FTSJ1: variants seen among roughly 807,000 people sequenced by gnomAD.
FTSJ1 encodes FtsJ RNA 2'-O-methyltransferase 1.
A neutral mutation model predicts 28.5 loss-of-function variants in FTSJ1; 3 were observed. The observed-to-expected ratio is 0.11, with a 90% CI of 0.05 to 0.27. FTSJ1 has a LOEUF of 0.27. Among genes scored for constraint, FTSJ1 ranks in the 10% least tolerant of loss-of-function variants. The pLI is 1.00. For missense variants in FTSJ1, 162 were observed against 279.0 expected (o/e 0.58, Z 2.99); for synonymous variants, 104 against 113.9 (o/e 0.91, Z 0.55).
intron 11 of FTSJ1, 86 bp downstream of exon 11, chrX:48,482,880 A>G (rs1556969172): frequency 8.3e-7 from 1 of 1,207,366 alleles, no homozygotes; most frequent in African/African-American, 1.8e-5. Context: ...TGGGGCCAAA[A>G]TTCCCTTTCC....
chrX:48,482,769 A>T lies in FTSJ1; in HGVS notation c.932A>T (p.Gln311Leu). The T allele has an allele frequency of 8.3e-7, 1 of 1,208,932 alleles. No individual in the cohort carries two copies. The highest frequency in any genetic ancestry group is 1.1e-6 in the Non-Finnish European group (1 of 893,660). Residue 311 changes from glutamine to leucine, a missense_variant, in exon 11 of 13, where the codon CAG becomes CTG. By Grantham distance (113) the Gln-to-Leu change is moderately radical. Coordinates refer to ENST00000348411, the MANE Select transcript of FTSJ1 (RefSeq NM_012280.4). ...DTFPQPLAAP[Q>L]CHTLLAPEME... Reference sequence around the variant, plus strand: ...TTTCCCCAGCCCCTGGCCGCCCCTCAGTGCCACACCCTGCTGGCCCCTGAG... The same window carrying T: ...TTTCCCCAGCCCCTGGCCGCCCCTCTGTGCCACACCCTGCTGGCCCCTGAG...
chrX:48,477,600 C>T (rs1480101214), intron 1 of FTSJ1, among the ~76,000 whole-genome samples: 2 of 111,040 alleles, frequency 1.8e-5, no homozygotes, highest in Non-Finnish European at 3.8e-5. Flanking sequence ...ACTGGGGATA[C>T]AGTCAGTGAG....
Position 48,477,967 on chromosome X carries a change from G to A in FTSJ1, c.-81G>A, listed in dbSNP as rs2061543449. 1 of 1,199,907 alleles carries A rather than the reference G, an allele frequency of 8.3e-7. No homozygotes were observed. The highest frequency in any genetic ancestry group is 2.2e-5 in the Admixed American group (1 of 45,566). On this transcript the variant is annotated 5_prime_UTR_variant, in exon 2 of 13. The change creates a new upstream start codon in the 5' untranslated region. Transcript: ENST00000348411. ...GGTTCTCTCCGCCCTACAGAGGTAG[G>A]TGGTAGCCCATTCATCTGGTTACTG...
At position 48,482,415 on chromosome X, in the gene FTSJ1, A is replaced by G; in HGVS notation, c.668A>G (p.Asn223Ser). The G allele has an allele frequency of 1.7e-6, 2 of 1,201,203 alleles. No individual in the cohort carries two copies. Among genetic ancestry groups the G allele is most frequent in the Non-Finnish European group, 2.3e-6 (2 of 887,020 alleles). Residue 223 changes from asparagine to serine, a missense_variant, in exon 10 of 13, where the codon AAC (asparagine) becomes AGC (serine). Transcript: ENST00000348411. ...CCCTGTTCCTAAGACCCAGATTTCA[A>G]CCAGCTGGATGGTCCCACCCGCATC... ...LLDHSYDPDF[N>S]QLDGPTRIIV...
Position 48,478,001 on chromosome X carries a change from C to T in FTSJ1, c.-47C>T, listed in dbSNP as rs369359484. ...CATTCATCTGGTTACTGATACTGGC[C>T]GGCATCAGTGGACTGTCGGCAGGTC... On this transcript the variant is annotated 5_prime_UTR_variant, in exon 2 of 13. Transcript: ENST00000348411. 7 of 1,208,484 alleles carry T rather than the reference C, an allele frequency of 5.8e-6. No individual in the cohort carries two copies. Among genetic ancestry groups the T allele is most frequent in the Admixed American group, 2.2e-5 (1 of 45,651 alleles).
intron 9 of FTSJ1, among the ~76,000 whole-genome samples, chrX:48,481,944 G>A (rs150266238): frequency 1.0e-3 from 115 of 112,288 alleles, no homozygotes; most frequent in African/African-American, 3.5e-3. Flanking sequence ...GTAACTCTTG[G>A]GCCTGGTGAA....
rs1556967440 is a variant in FTSJ1 at position 48,478,668 on chromosome X, A to G, written c.243A>G (p.Pro81=). 12 of 1,208,315 alleles carry G rather than the reference A, an allele frequency of 9.9e-6. No individual in the cohort carries two copies. Among genetic ancestry groups the G allele is most frequent in the African/African-American group, 1.7e-5 (1 of 57,833 alleles). Residue 81 remains proline, a synonymous_variant, in exon 4 of 13, where the codon CCA becomes CCG. Coordinates refer to ENST00000348411, the MANE Select transcript of FTSJ1 (RefSeq NM_012280.4). ...VVAVDLQAMA[P]LPGVVQIQGD... ...CTGTGGACCTGCAGGCTATGGCTCC[A>G]CTACCAGGTGTGGTACAGATCCAGG...
intron 6 of FTSJ1, 39 bp from the exon 7 acceptor site, chrX:48,481,250 T>G: frequency 8.3e-7 from 1 of 1,206,676 alleles, no homozygotes; most frequent in Non-Finnish European, 1.1e-6. Flanking sequence ...CCCTCCTGGC[T>G]GTCTCCACCT....
Position 48,479,257 on chromosome X carries a change from G to T in FTSJ1, c.361+141G>T, listed in dbSNP as rs1170797913. ...CGCACTCAGCTTTCTCCCACATCTG[G>T]CAACTTCTCCCTACCTCTGCTGCCT... On this transcript the variant is annotated intron_variant, in intron 5 of 12. Transcript: ENST00000348411. 4 of 484,817 alleles carry T rather than the reference G, an allele frequency of 8.3e-6. No individual in the cohort carries two copies. The East Asian group carries it at 1.4e-4, about 17-fold the overall frequency. The allele number at this position is 484,817 out of a possible 1,213,427, so 40.0% of individuals were successfully genotyped here.
At chrX:48,484,251 T>C (rs1249974027) in intron 12 of FTSJ1, among the ~76,000 whole-genome samples, 1 of 110,251 alleles carries the variant, frequency 9.1e-6, no homozygotes, top group Non-Finnish European at 1.9e-5. Flanking sequence ...GTATTTTTAG[T>C]AGAGATGGGG....
intron 5 of FTSJ1, among the ~76,000 whole-genome samples, chrX:48,479,551 CTCTGTACCAT>C (rs199926631): frequency 0.044 from 4,941 of 112,685 alleles, 109 homozygotes; most frequent in East Asian, 0.067. Context: ...AATGATTCAG[CTCTGTACCAT>C]TAAAAGGGGA....
intron 5 of FTSJ1, 33 bp from the exon 6 acceptor site, chrX:48,481,118 G>T (rs782381117): frequency 5.1e-6 from 6 of 1,173,469 alleles, no homozygotes; most frequent in Non-Finnish European, 7.0e-6. Context: ...AGAGCCAGAT[G>T]GGACCCCCCT....
chrX:48,481,535 G>T lies in FTSJ1; in HGVS notation c.571+7G>T. The stretch of plus-strand genomic sequence containing the variant: ...AGCCGGAACTCTAGCATCGGTCAGT[G>T]GGGTGGAGGGGCCAGGCAGGCAGAG... On this transcript the variant is annotated splice_region_variant and intron_variant, in intron 8 of 12. Coordinates refer to ENST00000348411, the MANE Select transcript of FTSJ1 (RefSeq NM_012280.4). The T allele has an allele frequency of 8.4e-7, 1 of 1,192,937 alleles. No homozygotes were observed. The highest frequency in any genetic ancestry group is 1.1e-6 in the Non-Finnish European group (1 of 877,872).
intron 12 of FTSJ1, 21 bp from the exon 13 acceptor site, chrX:48,485,715 C>G (rs942131649): frequency 8.9e-6 from 1 of 112,165 alleles, no homozygotes; most frequent in Non-Finnish European, 1.9e-5. Context: ...AACAAAAAAA[C>G]TTTCTTTGAC....
chrX:48,478,855 C>A, intron 4 of FTSJ1, 148 bp downstream of exon 4: 1 of 536,965 alleles, frequency 1.9e-6, no homozygotes, highest in South Asian at 2.8e-5. Context: ...GTCAGCAGGT[C>A]ATCATTGCAC....
intron 12 of FTSJ1, 118 bp downstream of exon 12, chrX:48,483,145 T>C: frequency 3.4e-6 from 2 of 580,854 alleles, no homozygotes; most frequent in South Asian, 5.0e-5. Flanking sequence ...AACAAACCCT[T>C]TTCTAAACAT....
In FTSJ1 at chrX:48,478,125, C is replaced by T; in HGVS notation, c.78C>T (p.Ala26=). 1 of 1,210,033 alleles carries T rather than the reference C, an allele frequency of 8.3e-7. No homozygotes were observed. The highest frequency in any genetic ancestry group is 1.1e-6 in the Non-Finnish European group (1 of 894,434). Residue 26 remains alanine, a synonymous_variant, in exon 2 of 13, where the codon GCC becomes GCT. Coordinates refer to ENST00000348411, the MANE Select transcript of FTSJ1 (RefSeq NM_012280.4). The part of the protein sequence containing the change: ...AKENGWRARS[A]FKLLQLDKEF... ...AGAATGGCTGGCGTGCTCGCAGCGC[C>T]TTCAAACTGCTACAACTGGATAAGG...
Position 48,482,518 on chromosome X carries a change from A to G in FTSJ1, c.759+12A>G, listed in dbSNP as rs781796007. On this transcript the variant is annotated intron_variant, in intron 10 of 12. Transcript: ENST00000348411. Reference sequence around the variant, plus strand: ...GTTACCCACTGGACGTGAGTGCCCAACCAACAGTAGGTGGGTGGGAGGGAG... The same window carrying G: ...GTTACCCACTGGACGTGAGTGCCCAGCCAACAGTAGGTGGGTGGGAGGGAG... 8.5e-7 allele frequency: 1 copy of G among 1,181,751 alleles called. No homozygotes were observed. The highest frequency in any genetic ancestry group is 1.2e-6 in the Non-Finnish European group (1 of 869,319).
At chrX:48,482,355 C>A in intron 9 of FTSJ1, 48 bp from the exon 10 acceptor site, 1 of 882,661 alleles carries the variant, frequency 1.1e-6, no homozygotes, top group Non-Finnish European at 1.7e-6. Context: ...TCATGACTGG[C>A]CCCAGGCATC....
Sources: gnomAD v4.1 joint callset for allele counts (sites outside exome capture counted in the v4.1 genomes callset) on GRCh38, gnomAD v4.1.1 for gene constraint, MANE v1.5 for transcripts, NCBI Gene and HGNC (gene_info 2026-07-23, HGNC 2026-07-21) for gene names.